Variants in AOX1 observed in about 807,000 individuals in gnomAD.
AOX1 encodes the protein aldehyde oxidase.
AOX1 carries 153 observed loss-of-function variants against 169.5 expected under a neutral mutation model. That is an observed-to-expected ratio of 0.90 (90% CI 0.79 to 1.03). The LOEUF is 1.03. Among genes scored for constraint, AOX1 ranks in the 50% least tolerant of loss-of-function variants. The probability of loss-of-function intolerance (pLI) is 0.00; values close to 1 mark genes in which losing one functional copy is unlikely to be tolerated. For synonymous variants in AOX1, 562 were observed against 581.9 expected (o/e 0.97, Z 0.49); for missense variants, 1,656 against 1,663.9 (o/e 1.00, Z 0.08).
At chr2:200,662,162 A>T (rs958909957) in intron 30 of AOX1, among the ~76,000 whole-genome samples, 1 of 152,180 alleles carries the variant, frequency 6.6e-6, no homozygotes. Flanking sequence ...GAGCAGGGTG[A>T]TGTAGAGCCT....
intron 5 of AOX1, among the ~76,000 whole-genome samples, chr2:200,600,770 T>C (rs2034397630): frequency 1.3e-5 from 2 of 152,182 alleles, no homozygotes; most frequent in Admixed American, 1.3e-4. Context: ...TCATGGCTGT[T>C]TATGATGTAA....
chr2:200,586,482 G>C (rs2034033648), intron 1 of AOX1, among the ~76,000 whole-genome samples: 1 of 152,144 alleles, frequency 6.6e-6, no homozygotes, highest in Admixed American at 6.5e-5. Context: ...CCCATCAGGG[G>C]TCAGCACTCC....
chr2:200,630,991 C>T (rs1404581785), intron 20 of AOX1, among the ~76,000 whole-genome samples: 1 of 151,604 alleles, frequency 6.6e-6, no homozygotes, highest in Non-Finnish European at 1.5e-5. Context: ...GCACATGTAC[C>T]CCAGAACTTA....
rs758071228 is a variant in AOX1, at chr2:200,642,807, A to G, written c.2847+6A>G. ...GTGGACTATCCCCTGAGAAGGTAAT[A>G]CTAAATCAGCTTCACAGACAAAACA... On this transcript the variant is annotated splice_donor_region_variant and intron_variant, in intron 25 of 34. Transcript: ENST00000374700. The G allele has an allele frequency of 6.2e-7, 1 of 1,607,704 alleles. No individual in the cohort carries two copies. Among genetic ancestry groups the G allele is most frequent in the Admixed American group, 1.7e-5 (1 of 59,252 alleles).
rs759347833 is a variant in AOX1 at position 200,659,173 on chromosome 2, C to G, written c.3180C>G (p.Ser1060Arg). The change falls in exon 28 of 35, where the codon AGC becomes AGG. Residue 1060 changes from serine (S) to arginine (R), a missense_variant. Physicochemically the swap from Ser to Arg is moderately radical, Grantham distance 110. Coordinates refer to ENST00000374700, the MANE Select transcript of AOX1 (RefSeq NM_001159.4). ...GVHTKMIQVV[S>R]RELRMPMSNV... is the part of the protein sequence containing the mutation. ...TCTCTCTTAAAATTCAGGTGGTCAG[C>G]CGTGAATTAAGAATGCCAATGTCGA... The G allele has an allele frequency of 1.3e-4, 216 of 1,613,556 alleles. No individual in the cohort carries two copies. Among genetic ancestry groups the G allele is most frequent in the Non-Finnish European group, 1.8e-4 (211 of 1,179,796 alleles).
chr2:200,653,513 C>T (rs1014632665), intron 26 of AOX1, among the ~76,000 whole-genome samples: 3 of 152,194 alleles, frequency 2.0e-5, no homozygotes, highest in Non-Finnish European at 4.4e-5. Context: ...GAAACTGAAG[C>T]TCATAGGGAT....
chr2:200,679,458 T>C (rs2036135191), downstream of AOX1: 1 of 115,274 alleles, frequency 8.7e-6, no homozygotes. Context: ...TGGGTTTAGG[T>C]AGCTTCTCTC....
At chr2:200,619,191 T>C (rs1478772354) in intron 16 of AOX1, among the ~76,000 whole-genome samples, 1 of 152,190 alleles carries the variant, frequency 6.6e-6, no homozygotes, top group Non-Finnish European at 1.5e-5. Context: ...TTTTAACCAG[T>C]ATGTGTTGGC....
intron 18 of AOX1, among the ~76,000 whole-genome samples, chr2:200,621,489 G>T (rs2034885451): frequency 6.6e-6 from 1 of 152,054 alleles, no homozygotes; most frequent in Non-Finnish European, 1.5e-5. Flanking sequence ...TAGTGAGATG[G>T]CATACTGCTA....
chr2:200,668,782 AAATACTCT>A lies in AOX1; in HGVS notation c.3778_3785del (p.Asn1260LeufsTer4), dbSNP rs1174461238. ...CTTTGTTGCCTCCTTCTCAAAACTC[AAATACTCT>A]TTATTCATCTAAGGTAAGTAATGTT... On this transcript the variant is annotated frameshift_variant, in exon 33 of 35. Transcript: ENST00000374700. LOFTEE classifies it high-confidence loss of function. The A allele has an allele frequency of 6.2e-7, 1 of 1,614,078 alleles. No homozygotes were observed. Among genetic ancestry groups the A allele is most frequent in the Admixed American group, 1.7e-5 (1 of 60,008 alleles).
intron 26 of AOX1, among the ~76,000 whole-genome samples, chr2:200,653,546 C>T (rs2035621954): frequency 6.6e-6 from 1 of 152,212 alleles, no homozygotes; most frequent in Non-Finnish European, 1.5e-5. Flanking sequence ...CCAAGGACAT[C>T]CAGCCAATAA....
At chr2:200,661,130 C>T (rs2035810785) in intron 29 of AOX1, among the ~76,000 whole-genome samples, 2 of 152,118 alleles carry the variant, frequency 1.3e-5, no homozygotes, top group South Asian at 4.2e-4. Context: ...AAATTATTCC[C>T]CTCACCTGAA....
intron 26 of AOX1, among the ~76,000 whole-genome samples, chr2:200,654,094 T>C (rs959171794): frequency 6.6e-6 from 1 of 151,414 alleles, no homozygotes; most frequent in Non-Finnish European, 1.5e-5. Context: ...CCTCTAAGTG[T>C]TCAAGTGAAA....
downstream of AOX1, among the ~76,000 whole-genome samples, chr2:200,673,620 G>A (rs2036056899): frequency 6.6e-6 from 1 of 152,100 alleles, no homozygotes; most frequent in African/African-American, 2.4e-5. Context: ...TCACATTGAA[G>A]CCAAAGATAT....
chr2:200,629,796 A>C (rs1461764670), intron 20 of AOX1, among the ~76,000 whole-genome samples: 2 of 152,110 alleles, frequency 1.3e-5, no homozygotes, highest in East Asian at 3.9e-4. Flanking sequence ...CAAGAATTCC[A>C]TTGTTGTATT....
intron 20 of AOX1, among the ~76,000 whole-genome samples, chr2:200,628,680 G>A (rs1327494157): frequency 6.6e-6 from 1 of 152,210 alleles, no homozygotes; most frequent in Non-Finnish European, 1.5e-5. Flanking sequence ...TATAATCCCA[G>A]CACTTTGGGA....
intron 5 of AOX1, 83 bp from the exon 6 acceptor site, chr2:200,602,201 G>A: frequency 9.2e-7 from 1 of 1,089,466 alleles, no homozygotes; most frequent in Non-Finnish European, 1.4e-6. Context: ...TCTATGATAG[G>A]GTCCTCATTT....
At chr2:200,586,216 CCCTGCCGTTCGTCCCATCCTTTCGTG>C (rs2034027789) in intron 1 of AOX1, 63 bp downstream of exon 1, 1 of 1,469,760 alleles carries the variant, frequency 6.8e-7, no homozygotes, top group Non-Finnish European at 9.1e-7. Flanking sequence ...AGAGAGGAGC[CCCTGCCGTTCGTCCCATCCTTTCGTG>C]CCCGCCGTTT....
At position 200,662,894 on chromosome 2, in the gene AOX1, C is replaced by T. The variant is rs1206773892; in HGVS notation, c.3468C>T (p.Gly1156=). 7.4e-6 allele frequency: 12 copies of T among 1,613,916 alleles called. No homozygotes were observed. The highest frequency in any genetic ancestry group is 1.0e-5 in the Non-Finnish European group (12 of 1,179,930). ...ESDMNWEKGE[G]QPFEYFVYGA... ...ACATGAACTGGGAGAAAGGCGAAGGCCAGCCCTTCGAATACTTTGTTTATG... is the reference window on the plus strand; with the variant it reads ...ACATGAACTGGGAGAAAGGCGAAGGTCAGCCCTTCGAATACTTTGTTTATG... Residue 1156 remains glycine (G), a synonymous_variant, in exon 31 of 35, where the codon GGC becomes GGT. Transcript: ENST00000374700.
Sources: allele counts gnomAD v4.1 joint callset (sites outside exome capture counted in the v4.1 genomes callset), GRCh38; gene constraint gnomAD v4.1.1; transcripts MANE v1.5; gene names NCBI Gene and HGNC (gene_info 2026-07-23, HGNC 2026-07-21).